Variants in KRT36 observed in about 807,000 individuals in gnomAD.
KRT36 encodes the protein keratin 36, also known as keratin, type I cuticular Ha6.
In KRT36, 41 loss-of-function variants were observed where a neutral mutation model predicts 43.0. The ratio of observed to expected loss-of-function variants is 0.95; its 90% CI spans 0.74 to 1.24. The LOEUF is 1.24. Ranked by LOEUF, KRT36 falls within the 50% of genes most tolerant of loss-of-function variation. The pLI is 0.00. For synonymous variants in KRT36, 277 were observed against 252.9 expected, an observed-to-expected ratio of 1.10 and a Z score of -0.90; for missense variants, 627 against 595.3, an observed-to-expected ratio of 1.05 and a Z score of -0.55.
intron 1 of KRT36, 39 bp downstream of exon 1, chr17:41,489,367 T>C (rs775229980): frequency 5.0e-6 from 8 of 1,592,006 alleles, no homozygotes; most frequent in Non-Finnish European, 6.9e-6. Flanking sequence ...CTCCTAAGAG[T>C]TGGGCTGCTC....
chr17:41,487,319 C>T (rs1334632730), intron 5 of KRT36, 32 bp downstream of exon 5: 3 of 1,602,390 alleles, frequency 1.9e-6, no homozygotes, highest in South Asian at 2.2e-5. Context: ...TGCCACAGGC[C>T]GTGGCCAGCG....
rs756324264 is a variant in KRT36, at chr17:41,488,636, A to T, written c.542+6T>A. The T allele has an allele frequency of 6.2e-7, 1 of 1,613,766 alleles. No homozygotes were observed. Among genetic ancestry groups the T allele is most frequent in the Non-Finnish European group, 8.5e-7 (1 of 1,179,714 alleles). ...TGGCAAACCTTCCCTGATCAGGCCC[A>T]CTCACTTGGTCCGGAAGTCGTCAGC... On this transcript the variant is annotated splice_donor_region_variant and intron_variant, in intron 2 of 6. Coordinates refer to ENST00000328119, the MANE Select transcript of KRT36 (RefSeq NM_003771.5).
intron 1 of KRT36, 53 bp from the exon 2 acceptor site, chr17:41,488,777 C>A (rs1904480537): frequency 6.2e-6 from 9 of 1,453,872 alleles, no homozygotes; most frequent in South Asian, 1.1e-5. Flanking sequence ...AGTGTGGGGG[C>A]AGGTAGGGGG....
Position 41,487,446 on chromosome 17 carries a change from T to G in KRT36, c.892A>C (p.Ser298Arg). Residue 298 changes from serine (S) to arginine (R), a missense_variant, in exon 5 of 7, where the codon AGC (serine) becomes CGC (arginine). By Grantham distance (110) the Ser-to-Arg change is moderately radical. Transcript: ENST00000328119. ...TGGCAGCACTGCAGCTGCTCCGAGCTGGACACCACCTGCTGGTTCAGCTCC... is the reference window on the plus strand; with the variant it reads ...TGGCAGCACTGCAGCTGCTCCGAGCGGGACACCACCTGCTGGTTCAGCTCC... Reference protein sequence around the residue: ...TEELNQQVVSSSEQLQCCQTE... With the variant: ...TEELNQQVVSRSEQLQCCQTE... 1 of 1,614,200 alleles carries G rather than the reference T, an allele frequency of 6.2e-7. No individual in the cohort carries two copies. The highest frequency in any genetic ancestry group is 8.5e-7 in the Non-Finnish European group (1 of 1,180,028).
In KRT36 at chr17:41,486,373, C is replaced by A; in HGVS notation, c.*3G>T. On this transcript the variant is annotated 3_prime_UTR_variant, in exon 7 of 7. Transcript: ENST00000328119. ...GCCCTGCCCTGGTGGACCAAGTGGG[C>A]TGTCACAGCGGGCGGGACTGCACGT... The A allele has an allele frequency of 6.2e-7, 1 of 1,613,000 alleles. No individual in the cohort carries two copies. The highest frequency in any genetic ancestry group is 1.7e-4 in the Middle Eastern group (1 of 5,794).
chr17:41,487,827 G>A, intron 3 of KRT36, 90 bp from the exon 4 acceptor site: 2 of 1,295,398 alleles, frequency 1.5e-6, no homozygotes, highest in South Asian at 2.7e-5. Flanking sequence ...TCTTCCCTCA[G>A]TCACCAGCTG....
Position 41,488,267 on chromosome 17 carries a change from C to T in KRT36, c.675G>A (p.Met225Ile), listed in dbSNP as rs1300043247. 2.5e-6 allele frequency: 4 copies of T among 1,614,122 alleles called. No homozygotes were observed. The highest frequency in any genetic ancestry group is 3.4e-6 in the Non-Finnish European group (4 of 1,179,970). ...AQVESLKEEL[M>I]CLKKNHEEEV... is the part of the protein sequence containing the mutation. ...CCTCCTCGTGATTCTTCTTGAGGCA[C>T]ATCAGCTCCTCCTTCAGGGACTCCA... Residue 225 changes from methionine to isoleucine, a missense_variant, in exon 3 of 7, where the codon ATG becomes ATA. Coordinates refer to ENST00000328119, the MANE Select transcript of KRT36 (RefSeq NM_003771.5).
At position 41,487,135 on chromosome 17, in the gene KRT36, C is replaced by T. The variant is rs1192040287; in HGVS notation, c.1023G>A (p.Glu341=). 3 of 1,614,044 alleles carry T rather than the reference C, an allele frequency of 1.9e-6. No individual in the cohort carries two copies. The highest frequency in any genetic ancestry group is 2.5e-6 in the Non-Finnish European group (3 of 1,179,896). ...GGGCCAGCTGGGAGCTGTAGCGGGC[C>T]TCGGTTTCGGCCAGGGTGGATTCCA... is the stretch of plus-strand genomic sequence containing the variant. The part of the protein sequence containing the change: ...NSLESTLAET[E]ARYSSQLAQM... Residue 341 remains glutamate, a synonymous_variant, in exon 6 of 7, where the codon GAG becomes GAA. Transcript: ENST00000328119.
chr17:41,486,276 G>T lies in KRT36; in HGVS notation c.*100C>A. ...TAGAAAAACCTGCTAAGCGTAGGGG[G>T]ACCCCTCTAGAGAAGGGCAGGGTCG... is the stretch of plus-strand genomic sequence containing the variant. On this transcript the variant is annotated 3_prime_UTR_variant, in exon 7 of 7. Coordinates refer to ENST00000328119, the MANE Select transcript of KRT36 (RefSeq NM_003771.5). 2.2e-6 allele frequency: 2 copies of T among 915,044 alleles called. No individual in the cohort carries two copies. The highest frequency in any genetic ancestry group is 2.6e-5 in the East Asian group (1 of 38,710). 56.7% of individuals were successfully genotyped at this position (915,044 alleles called of 1,614,324 possible).
In KRT36 at chr17:41,489,827, C is replaced by G. The variant is rs775017982; in HGVS notation, c.38G>C (p.Gly13Ala). The change falls in exon 1 of 7, where the codon GGG becomes GCG. Residue 13 changes from glycine to alanine, a missense_variant. Gly to Ala is a moderately conservative substitution (Grantham distance 60). Coordinates refer to ENST00000328119, the MANE Select transcript of KRT36 (RefSeq NM_003771.5). ...TGTGCCACAGAGGCCCTTGATAGAC[C>G]CAGTGGAGAAGGTAGGGGTGCAGGT... Reference protein sequence around the residue: ...TQTCTPTFSTGSIKGLCGTAG... With the variant: ...TQTCTPTFSTASIKGLCGTAG... 6.2e-7 allele frequency: 1 copy of G among 1,613,412 alleles called. No individual in the cohort carries two copies. Among genetic ancestry groups the G allele is most frequent in the East Asian group, 2.2e-5 (1 of 44,858 alleles).
intron 3 of KRT36, 142 bp downstream of exon 3, chr17:41,488,101 G>T: frequency 3.5e-6 from 3 of 864,576 alleles, no homozygotes; most frequent in Non-Finnish European, 5.4e-6. Flanking sequence ...TATAATTCTT[G>T]GGATTATTGT....
chr17:41,486,552 C>T lies in KRT36; in HGVS notation c.1228G>A (p.Ala410Thr). 1 of 1,586,778 alleles carries T rather than the reference C, an allele frequency of 6.3e-7. No individual in the cohort carries two copies. The highest frequency in any genetic ancestry group is 8.6e-7 in the Non-Finnish European group (1 of 1,166,980). The change falls in exon 7 of 7, where the codon GCC becomes ACC. Residue 410 changes from alanine (A) to threonine (T), a missense_variant. Physicochemically the swap from Ala to Thr is moderately conservative, Grantham distance 58 (BLOSUM62 0). Coordinates refer to ENST00000328119, the MANE Select transcript of KRT36 (RefSeq NM_003771.5). ...EDCKLPPQPC[A>T]TACKPVIRVP... ...CTAATAACAGGCTTGCATGCCGTGG[C>T]ACAAGGTTGGGGAGGAAGCCTGAGG...
rs1022248660 is a variant in KRT36 at position 41,487,721 on chromosome 17, C to T, written c.716G>A (p.Arg239His). The change falls in exon 4 of 7, where the codon CGT (arginine) becomes CAT (histidine). Residue 239 changes from arginine (R) to histidine (H), a missense_variant. By Grantham distance (29) the Arg-to-His change is conservative. Transcript: ENST00000328119. ...KNHEEEVSVL[R>H]CQLGDRLNVE... ...ATTCAGTCGGTCCCCAAGTTGGCAA[C>T]GGAGTACACTGACTTCCTGCAGAGA... 19 of 1,612,286 alleles carry T rather than the reference C, an allele frequency of 1.2e-5. No homozygotes were observed. Among genetic ancestry groups the T allele is most frequent in the Admixed American group, 5.0e-5 (3 of 59,918 alleles).
At position 41,489,398 on chromosome 17, in the gene KRT36, T is replaced by C. The variant is rs200336075; in HGVS notation, c.459+8A>G. Reference sequence around the variant, plus strand: ...TGCTCAGCTGGAAAGGGGCCAGGTCTCCCTCACCTTCTGCTGGAAATCTTC... The same window carrying C: ...TGCTCAGCTGGAAAGGGGCCAGGTCCCCCTCACCTTCTGCTGGAAATCTTC... On this transcript the variant is annotated splice_region_variant and intron_variant, in intron 1 of 6. Transcript: ENST00000328119. 8.7e-6 allele frequency: 14 copies of C among 1,611,532 alleles called. No individual in the cohort carries two copies. In the East Asian group the frequency reaches 2.9e-4, roughly 33 times the overall value.
rs779482635 is a variant in KRT36 at position 41,487,507 on chromosome 17, T to G, written c.862-31A>C. On this transcript the variant is annotated intron_variant, in intron 4 of 6. Coordinates refer to ENST00000328119, the MANE Select transcript of KRT36 (RefSeq NM_003771.5). ...ACACATGCCAGGGCCCAGAGCATGG[T>G]CAAACCAAGCTACTTCCAAGGGTAA... 12 of 1,613,454 alleles carry G rather than the reference T, an allele frequency of 7.4e-6. No homozygotes were observed. The East Asian group carries it at 2.2e-4, about 30-fold the overall frequency.
At position 41,487,062 on chromosome 17, in the gene KRT36, G is replaced by A. The variant is rs1904406726; in HGVS notation, c.1096C>T (p.Arg366Cys). The A allele has an allele frequency of 1.9e-6, 3 of 1,614,106 alleles. No homozygotes were observed. Among genetic ancestry groups the A allele is most frequent in the Non-Finnish European group, 2.5e-6 (3 of 1,180,034 alleles). Reference sequence around the variant, plus strand: ...TGGTTCTGCCGCTCCAGGTCGCAGCGGATCTCAGACAGCTGGGCCTCCACG... The same window carrying A: ...TGGTTCTGCCGCTCCAGGTCGCAGCAGATCTCAGACAGCTGGGCCTCCACG... ...SNVEAQLSEI[R>C]CDLERQNQEY... The change falls in exon 6 of 7, where the codon CGC becomes TGC. Residue 366 changes from arginine (R) to cysteine (C), a missense_variant. Transcript: ENST00000328119.
Position 41,486,450 on chromosome 17 carries a change from G to A in KRT36, c.1330C>T (p.Arg444Cys), listed in dbSNP as rs754380839. The A allele has an allele frequency of 1.4e-5, 22 of 1,613,942 alleles. No homozygotes were observed. Among genetic ancestry groups the A allele is most frequent in the East Asian group, 4.5e-5 (2 of 44,876 alleles). ...TCTCTGATCTCCTCGGTGATGGTGC[G>A]GATCTGAGTGCCAACCTGGGGAGCC... ...TPAPQVGTQI[R>C]TITEEIRDGK... is the part of the protein sequence containing the mutation. Residue 444 changes from arginine (R) to cysteine (C), a missense_variant, in exon 7 of 7, where the codon CGC becomes TGC. Physicochemically the swap from Arg to Cys is radical, Grantham distance 180. Coordinates refer to ENST00000328119, the MANE Select transcript of KRT36 (RefSeq NM_003771.5).
At position 41,489,391 on chromosome 17, in the gene KRT36, C is replaced by A; in HGVS notation, c.459+15G>T. On this transcript the variant is annotated intron_variant, in intron 1 of 6. Transcript: ENST00000328119. Reference sequence around the variant, plus strand: ...GTTGGGCTGCTCAGCTGGAAAGGGGCCAGGTCTCCCTCACCTTCTGCTGGA... The same window carrying A: ...GTTGGGCTGCTCAGCTGGAAAGGGGACAGGTCTCCCTCACCTTCTGCTGGA... 1 of 1,609,624 alleles carries A rather than the reference C, an allele frequency of 6.2e-7. No individual in the cohort carries two copies. Among genetic ancestry groups the A allele is most frequent in the South Asian group, 1.1e-5 (1 of 90,706 alleles).
At position 41,489,874 on chromosome 17, in the gene KRT36, A is replaced by C. The variant is rs963409544; in HGVS notation, c.-10T>G. On this transcript the variant is annotated 5_prime_UTR_variant, in exon 1 of 7. Transcript: ENST00000328119. ...AGGTCTGGGTGGCCATGGTGCTAGC[A>C]GAGGAAGGTTGCAGCTTAGCAAGGA... 5 of 1,606,894 alleles carry C rather than the reference A, an allele frequency of 3.1e-6. No individual in the cohort carries two copies. The highest frequency in any genetic ancestry group is 3.3e-5 in the Admixed American group (2 of 59,792).
Sources: allele counts gnomAD v4.1 joint callset, GRCh38; gene constraint gnomAD v4.1.1; transcripts MANE v1.5; gene names NCBI Gene and HGNC (gene_info 2026-07-23, HGNC 2026-07-21).